KCNIP4: variants seen among roughly 807,000 people sequenced by gnomAD.
The protein encoded by KCNIP4 is Kv channel-interacting protein 4.
In KCNIP4, 12 loss-of-function variants were observed where a neutral mutation model predicts 34.0. That is an observed-to-expected ratio of 0.35 (90% CI 0.23 to 0.57). The LOEUF is 0.57. KCNIP4 is among the 20% of genes least tolerant of loss of function. KCNIP4 has a pLI of 0.83. For synonymous variants in KCNIP4, 124 were observed against 102.2 expected, an observed-to-expected ratio of 1.21 and a Z score of -1.29; for missense variants, 238 against 311.7, an observed-to-expected ratio of 0.76 and a Z score of 1.78.
intron 1 of KCNIP4, among the ~76,000 whole-genome samples, chr4:20,932,250 C>T (rs376675728): frequency 4.4e-3 from 412 of 94,690 alleles, no homozygotes; most frequent in Middle Eastern, 0.021. Flanking sequence ...TAGTCTATAA[C>T]AGTCTAATAT....
At chr4:21,255,554 G>A (rs1761005426) in intron 1 of KCNIP4, among the ~76,000 whole-genome samples, 1 of 151,688 alleles carries the variant, frequency 6.6e-6, no homozygotes, top group Non-Finnish European at 1.5e-5. Flanking sequence ...GCCTCTGGGT[G>A]ATCAGTCTTT....
At chr4:21,914,138 G>T (rs1728496192) in intron 1 of KCNIP4, among the ~76,000 whole-genome samples, 1 of 152,110 alleles carries the variant, frequency 6.6e-6, no homozygotes, top group African/African-American at 2.4e-5. Flanking sequence ...GAATAAATTA[G>T]AACTATCAAG....
chr4:21,294,452 C>T (rs1245179137), intron 1 of KCNIP4, among the ~76,000 whole-genome samples: 3 of 152,064 alleles, frequency 2.0e-5, no homozygotes, highest in African/African-American at 7.2e-5. Context: ...GTAAACCTTC[C>T]CCATTTTCCT....
chr4:21,526,558 A>G (rs1278496778), intron 1 of KCNIP4, among the ~76,000 whole-genome samples: 4 of 152,032 alleles, frequency 2.6e-5, no homozygotes, highest in African/African-American at 9.7e-5. Context: ...ATGTATATCA[A>G]TCTATTCATA....
At chr4:21,219,856 G>A (rs1466681784) in intron 1 of KCNIP4, among the ~76,000 whole-genome samples, 3 of 152,076 alleles carry the variant, frequency 2.0e-5, no homozygotes, top group African/African-American at 7.2e-5. Flanking sequence ...GAATGGCAGT[G>A]GAGTGGAAAT....
chr4:21,539,738 T>C (rs998729680), intron 1 of KCNIP4, among the ~76,000 whole-genome samples: 2 of 152,104 alleles, frequency 1.3e-5, no homozygotes, highest in African/African-American at 4.8e-5. Context: ...CCCAGCACTT[T>C]GGGAGGCCCA....
rs750626604 is a variant in KCNIP4 at position 20,729,930 on chromosome 4, T to C, written c.*152A>G. 50 of 838,098 alleles carry C rather than the reference T, an allele frequency of 6.0e-5. No individual in the cohort carries two copies. The highest frequency in any genetic ancestry group is 8.1e-5 in the Non-Finnish European group (48 of 589,582). The allele number at this position is 838,098 out of a possible 1,614,324, so 51.9% of individuals were successfully genotyped here. A position where few individuals can be genotyped will look rare whatever the true frequency, so the allele number is the denominator to read the frequency against. ...AAATTTATAACTGAAAGCTCAAATC[T>C]TTTGGGGATTGCTTTATATTAAAAC... On this transcript the variant is annotated 3_prime_UTR_variant, in exon 9 of 9. Coordinates refer to ENST00000382152, the MANE Select transcript of KCNIP4 (RefSeq NM_025221.6).
intron 1 of KCNIP4, among the ~76,000 whole-genome samples, chr4:21,287,186 C>G (rs1163646219): frequency 6.6e-6 from 1 of 152,268 alleles, no homozygotes; most frequent in South Asian, 2.1e-4. Context: ...AAGGCAAGGG[C>G]TAGAATGGCT....
intron 1 of KCNIP4, among the ~76,000 whole-genome samples, chr4:21,092,327 A>C (rs920189865): frequency 6.6e-6 from 1 of 152,080 alleles, no homozygotes; most frequent in East Asian, 1.9e-4. Context: ...GGAGAATTAA[A>C]GAACGAATGT....
intron 1 of KCNIP4, among the ~76,000 whole-genome samples, chr4:21,412,722 T>G (rs1343312738): frequency 6.6e-6 from 1 of 152,212 alleles, no homozygotes; most frequent in East Asian, 1.9e-4. Flanking sequence ...TTCCAGAAAC[T>G]CCACCAGCTT....
chr4:21,184,035 T>C (rs763737315), intron 1 of KCNIP4, among the ~76,000 whole-genome samples: 16 of 152,184 alleles, frequency 1.1e-4, no homozygotes, highest in Non-Finnish European at 2.1e-4. Flanking sequence ...GCTTGTTTTC[T>C]TATTTATTGA....
chr4:21,542,475 T>A (rs1183242601), intron 1 of KCNIP4, among the ~76,000 whole-genome samples: 1 of 152,160 alleles, frequency 6.6e-6, no homozygotes, highest in East Asian at 1.9e-4. Flanking sequence ...AAACATGTTT[T>A]AAAATTTCAA....
intron 4 of KCNIP4, among the ~76,000 whole-genome samples, chr4:20,753,781 G>T (rs139535158): frequency 1.3e-5 from 2 of 152,302 alleles, no homozygotes; most frequent in African/African-American, 4.8e-5. Flanking sequence ...TACTCAGTGG[G>T]TGAAGTCTTT....
chr4:21,650,826 T>G (rs377485493), intron 1 of KCNIP4, among the ~76,000 whole-genome samples: 1 of 152,108 alleles, frequency 6.6e-6, no homozygotes, highest in Non-Finnish European at 1.5e-5. Context: ...AGTTTGGGGG[T>G]CCTCTGAAAA....
intron 1 of KCNIP4, among the ~76,000 whole-genome samples, chr4:21,465,692 A>C (rs188102687): frequency 6.6e-6 from 1 of 152,312 alleles, no homozygotes; most frequent in East Asian, 1.9e-4. Context: ...CAGGCATGAA[A>C]AATATTTATT....
At chr4:20,765,245 A>G (rs547287452) in intron 3 of KCNIP4, among the ~76,000 whole-genome samples, 13 of 152,262 alleles carry the variant, frequency 8.5e-5, no homozygotes, top group East Asian at 3.9e-4. Context: ...ATGAATTGCA[A>G]TGCTATCTTG....
At chr4:21,824,668 T>A (rs1722567167) in intron 1 of KCNIP4, among the ~76,000 whole-genome samples, 1 of 152,170 alleles carries the variant, frequency 6.6e-6, no homozygotes, top group Non-Finnish European at 1.5e-5. Flanking sequence ...GAGTCTTATT[T>A]GAGTAATAAA....
At chr4:20,756,182 A>G (rs952504938) in intron 4 of KCNIP4, among the ~76,000 whole-genome samples, 2 of 151,998 alleles carry the variant, frequency 1.3e-5, no homozygotes, top group Non-Finnish European at 2.9e-5. Flanking sequence ...TAAAAAAAAA[A>G]AAAGTGTTGG....
intron 1 of KCNIP4, among the ~76,000 whole-genome samples, chr4:21,070,914 A>T (rs1414080459): frequency 1.3e-5 from 2 of 151,764 alleles, no homozygotes; most frequent in East Asian, 3.9e-4. Context: ...TGACCTCGTG[A>T]TCTGCCCACC....
Sources: allele counts gnomAD v4.1 joint callset (sites outside exome capture counted in the v4.1 genomes callset), GRCh38; gene constraint gnomAD v4.1.1; transcripts MANE v1.5; gene names NCBI Gene and HGNC (gene_info 2026-07-23, HGNC 2026-07-21).